The following WWOX variants were observed in gnomAD, a reference collection of about 807,000 sequenced individuals.
WWOX encodes WW domain containing oxidoreductase.
A neutral mutation model predicts 46.2 loss-of-function variants in WWOX; 69 were observed. The ratio of observed to expected loss-of-function variants is 1.49; its 90% CI spans 1.23 to 1.82. The LOEUF (loss-of-function observed/expected upper bound fraction) is 1.82, where lower values mean the gene tolerates loss of function less well. WWOX is among the 40% of genes most tolerant of loss of function. The pLI is 0.00. For synonymous variants in WWOX, 359 were observed against 202.6 expected (o/e 1.77, Z -6.56); for missense variants, 919 against 542.6 (o/e 1.69, Z -6.89).
intron 8 of WWOX, among the ~76,000 whole-genome samples, chr16:78,876,335 C>G (rs1467827530): frequency 6.6e-6 from 1 of 151,868 alleles, no homozygotes; most frequent in Non-Finnish European, 1.5e-5. Flanking sequence ...TTCTTCTGCA[C>G]TTTGGGTGTT....
intron 8 of WWOX, among the ~76,000 whole-genome samples, chr16:78,558,789 G>A (rs114274787): frequency 9.2e-5 from 14 of 152,320 alleles, no homozygotes; most frequent in South Asian, 8.3e-4. Flanking sequence ...TCTGCCTAGA[G>A]TATGCCTTTT....
At chr16:79,132,269 GGCA>G (rs1344871893) in intron 8 of WWOX, among the ~76,000 whole-genome samples, 1 of 152,098 alleles carries the variant, frequency 6.6e-6, no homozygotes, top group Non-Finnish European at 1.5e-5. Context: ...TACATAAAAA[GGCA>G]GCAGTGGTGA....
At chr16:78,678,717 G>C (rs1454210482) in intron 8 of WWOX, among the ~76,000 whole-genome samples, 1 of 152,188 alleles carries the variant, frequency 6.6e-6, no homozygotes, top group Non-Finnish European at 1.5e-5. Context: ...TCAAGATTTT[G>C]ACGGAGGGCT....
intron 8 of WWOX, among the ~76,000 whole-genome samples, chr16:78,727,736 G>A (rs929064046): frequency 6.6e-6 from 1 of 152,084 alleles, no homozygotes; most frequent in Non-Finnish European, 1.5e-5. Flanking sequence ...CTTTGGACTT[G>A]GGGATTGGAC....
intron 8 of WWOX, among the ~76,000 whole-genome samples, chr16:78,797,652 A>G (rs921946083): frequency 1.7e-4 from 26 of 152,154 alleles, no homozygotes; most frequent in African/African-American, 5.8e-4. Flanking sequence ...TCAAGGAACT[A>G]TGATAAGTAG....
chr16:78,669,518 C>T (rs1434391149), intron 8 of WWOX, among the ~76,000 whole-genome samples: 1 of 152,166 alleles, frequency 6.6e-6, no homozygotes, highest in Admixed American at 6.5e-5. Context: ...ATCCTACAAT[C>T]CATAGGACAG....
intron 3 of WWOX, among the ~76,000 whole-genome samples, chr16:78,113,355 T>C (rs1488090680): frequency 6.6e-6 from 1 of 152,208 alleles, no homozygotes; most frequent in East Asian, 1.9e-4. Context: ...TGTTTTAGGA[T>C]TTGCAGGGCA....
chr16:78,380,002 C>T (rs115973232), intron 5 of WWOX, among the ~76,000 whole-genome samples: 1,917 of 152,300 alleles, frequency 0.013, 39 homozygotes, highest in African/African-American at 0.043. Context: ...TTAATGAGTA[C>T]ATGAATTTAG....
intron 8 of WWOX, among the ~76,000 whole-genome samples, chr16:79,175,627 C>G (rs576872892): frequency 1.2e-4 from 18 of 152,194 alleles, no homozygotes; most frequent in Non-Finnish European, 2.1e-4. Context: ...TGGACTGTGT[C>G]TAACTCAGCT....
At chr16:78,268,001 T>C (rs1419554968) in intron 5 of WWOX, among the ~76,000 whole-genome samples, 1 of 152,180 alleles carries the variant, frequency 6.6e-6, no homozygotes, top group Non-Finnish European at 1.5e-5. Context: ...GTACTTTTAG[T>C]AGAGACAGGG....
intron 5 of WWOX, among the ~76,000 whole-genome samples, chr16:78,310,568 T>C (rs1295037796): frequency 1.3e-5 from 2 of 152,206 alleles, no homozygotes; most frequent in African/African-American, 4.8e-5. Context: ...CCAGAATGCA[T>C]GCCACCCCGG....
chr16:78,856,533 C>G (rs1228690881), intron 8 of WWOX, among the ~76,000 whole-genome samples: 1 of 152,112 alleles, frequency 6.6e-6, no homozygotes, highest in Admixed American at 6.5e-5. Flanking sequence ...ATAGCAGCTA[C>G]TCAGGAGTCT....
chr16:78,320,806 C>G (rs2080451257), intron 5 of WWOX, among the ~76,000 whole-genome samples: 1 of 152,256 alleles, frequency 6.6e-6, no homozygotes, highest in African/African-American at 2.4e-5. Context: ...TCTTAGAAAA[C>G]TTTGACATCA....
intron 5 of WWOX, among the ~76,000 whole-genome samples, chr16:78,247,896 G>A (rs773266598): frequency 1.3e-5 from 2 of 152,204 alleles, no homozygotes; most frequent in Non-Finnish European, 2.9e-5. Context: ...GAGCCTTGGC[G>A]ATCCATAGCC....
chr16:78,490,196 A>G (rs2084744392), intron 8 of WWOX, among the ~76,000 whole-genome samples: 1 of 150,472 alleles, frequency 6.6e-6, no homozygotes, highest in African/African-American at 2.5e-5. Flanking sequence ...TTTCCTTATC[A>G]AGGACGTACA....
chr16:78,528,109 C>T lies in WWOX; in HGVS notation c.1056+95357C>T, dbSNP rs868290729. ...TGCCTCCTGGGTTCGTGCCATTCTC[C>T]TGCCTCAGCCTCCCGAGTAGCTGGG... On this transcript the variant is annotated intron_variant, in intron 8 of 8. Transcript: ENST00000566780. Among the ~76,000 whole-genome samples, 72 of 145,184 alleles carry T rather than the reference C, an allele frequency of 5.0e-4. 1 individual carries two copies. Among genetic ancestry groups the T allele is most frequent in the African/African-American group, 1.8e-3 (71 of 38,708 alleles).
At chr16:79,075,098 A>G (rs1276575917) in intron 8 of WWOX, among the ~76,000 whole-genome samples, 1 of 152,178 alleles carries the variant, frequency 6.6e-6, no homozygotes, top group African/African-American at 2.4e-5. Context: ...ATTCACTACA[A>G]CACTGTTTCT....
chr16:78,900,182 G>C (rs764581295), intron 8 of WWOX, among the ~76,000 whole-genome samples: 1 of 151,074 alleles, frequency 6.6e-6, no homozygotes, highest in African/African-American at 2.4e-5. Context: ...GCCAGAGTAG[G>C]GTGTAAACCT....
intron 5 of WWOX, among the ~76,000 whole-genome samples, chr16:78,323,018 G>C (rs746084665): frequency 5.9e-5 from 9 of 152,090 alleles, no homozygotes; most frequent in Non-Finnish European, 1.2e-4. Flanking sequence ...CTCCAGCCTG[G>C]GTGACAGAAT....
Sources: gnomAD v4.1 joint callset for allele counts (sites outside exome capture counted in the v4.1 genomes callset) on GRCh38, gnomAD v4.1.1 for gene constraint, MANE v1.5 for transcripts, NCBI Gene and HGNC (gene_info 2026-07-23, HGNC 2026-07-21) for gene names.